Variants in LRRC37A2 observed in about 807,000 individuals in gnomAD.
The protein encoded by LRRC37A2 is leucine-rich repeat-containing protein 37A2.
Under a neutral mutation model 68.8 loss-of-function variants are expected in LRRC37A2, and 9 were observed. The observed-to-expected ratio is 0.13, with a 90% CI of 0.08 to 0.23. The LOEUF is 0.23. Among genes scored for constraint, LRRC37A2 ranks in the 10% least tolerant of loss-of-function variants. The probability of loss-of-function intolerance (pLI) is 1.00; values close to 1 mark genes in which losing one functional copy is unlikely to be tolerated. For synonymous variants in LRRC37A2, 63 were observed against 367.6 expected, an observed-to-expected ratio of 0.17 and a Z score of 9.48; for missense variants, 168 against 950.4, an observed-to-expected ratio of 0.18 and a Z score of 10.82.
chr17:46,865,787 AT>A, the LRRC37A2 span, among the ~76,000 whole-genome samples: 1 of 152,038 alleles, frequency 6.6e-6, no homozygotes, highest in East Asian at 1.9e-4. Flanking sequence ...TTAATTTTTA[AT>A]TTTGTAGAGA....
the LRRC37A2 span, among the ~76,000 whole-genome samples, chr17:46,845,398 G>A: frequency 1.3e-5 from 2 of 152,108 alleles, no homozygotes; most frequent in African/African-American, 2.4e-5. Flanking sequence ...TATTCACGGT[G>A]AGCCCAGTGC....
At chr17:46,790,643 G>T in the LRRC37A2 span, among the ~76,000 whole-genome samples, 1 of 152,094 alleles carries the variant, frequency 6.6e-6, no homozygotes, top group Non-Finnish European at 1.5e-5. Context: ...TCCAACCTCT[G>T]GTCTTGTCCA....
the LRRC37A2 span, among the ~76,000 whole-genome samples, chr17:46,900,162 C>CATATATATATATATATAT: frequency 3.0e-5 from 3 of 101,146 alleles, no homozygotes; most frequent in African/African-American, 1.5e-4. Flanking sequence ...TATATATATA[C>CATATATATATATATATAT]ATATACATAT....
At chr17:46,777,676 T>C in the LRRC37A2 span, among the ~76,000 whole-genome samples, 1 of 152,222 alleles carries the variant, frequency 6.6e-6, no homozygotes, top group African/African-American at 2.4e-5. Context: ...AAATACATAA[T>C]CTCACTGAAT....
the LRRC37A2 span, among the ~76,000 whole-genome samples, chr17:46,693,426 G>A: frequency 2.5e-3 from 382 of 152,086 alleles, 5 homozygotes; most frequent in African/African-American, 9.0e-3. Flanking sequence ...GTGAGGGCCA[G>A]GGAGTGCGTT....
the LRRC37A2 span, among the ~76,000 whole-genome samples, chr17:46,762,165 C>T: frequency 4.6e-5 from 7 of 152,354 alleles, no homozygotes; most frequent in East Asian, 3.9e-4. Flanking sequence ...GCCACCCCTG[C>T]GGTCTGCTGG....
At chr17:47,025,400 A>C in the LRRC37A2 span, among the ~76,000 whole-genome samples, 36 of 152,204 alleles carry the variant, frequency 2.4e-4, no homozygotes, top group African/African-American at 8.7e-4. Flanking sequence ...ATTAAAAATC[A>C]GCTGAATTAT....
chr17:46,915,004 T>C, the LRRC37A2 span, among the ~76,000 whole-genome samples: 45 of 152,336 alleles, frequency 3.0e-4, no homozygotes, highest in African/African-American at 1.1e-3. Flanking sequence ...CCCAACTACA[T>C]GAGAAACTCT....
chr17:46,978,939 G>T, the LRRC37A2 span: 4 of 1,455,790 alleles, frequency 2.7e-6, no homozygotes, highest in East Asian at 6.0e-5. Context: ...TTCCCAGGGC[G>T]GCCCCGGCGC....
chr17:46,715,596 A>G, the LRRC37A2 span, among the ~76,000 whole-genome samples: 14 of 152,180 alleles, frequency 9.2e-5, no homozygotes, highest in African/African-American at 3.4e-4. Flanking sequence ...ATGTGGGTGG[A>G]TGGTCCTAGT....
chr17:46,470,596 T>G, the LRRC37A2 span, among the ~76,000 whole-genome samples: 1 of 86,342 alleles, frequency 1.2e-5, no homozygotes, highest in African/African-American at 3.4e-5. Flanking sequence ...GGAGGATCAC[T>G]TAAGTCTAGG....
At chr17:46,764,956 C>T in the LRRC37A2 span, among the ~76,000 whole-genome samples, 3 of 152,222 alleles carry the variant, frequency 2.0e-5, no homozygotes, top group African/African-American at 7.2e-5. Context: ...AGGGCCCAGT[C>T]CCCAACTCCA....
At chr17:46,978,457 G>A in the LRRC37A2 span, 2 of 615,484 alleles carry the variant, frequency 3.2e-6, no homozygotes, top group Admixed American at 3.3e-5. Flanking sequence ...AGCGCACACA[G>A]GACAGAGCCG....
chr17:46,984,321 G>T, the LRRC37A2 span, among the ~76,000 whole-genome samples: 1 of 151,370 alleles, frequency 6.6e-6, no homozygotes, highest in South Asian at 2.1e-4. Flanking sequence ...TGTGTTGGGG[G>T]TGGGGTTGGG....
At chr17:46,848,699 G>A in the LRRC37A2 span, among the ~76,000 whole-genome samples, 695 of 152,350 alleles carry the variant, frequency 4.6e-3, 10 homozygotes, top group African/African-American at 0.016. Context: ...TGCCTGGGCA[G>A]TTCTGAGCCA....
chr17:46,699,528 T>C, the LRRC37A2 span, among the ~76,000 whole-genome samples: 1 of 148,450 alleles, frequency 6.7e-6, no homozygotes, highest in Non-Finnish European at 1.5e-5. Context: ...TTTTGATTGA[T>C]TAAGGTCATT....
chr17:46,883,126 C>T, the LRRC37A2 span, among the ~76,000 whole-genome samples: 1 of 151,830 alleles, frequency 6.6e-6, no homozygotes, highest in Non-Finnish European at 1.5e-5. Context: ...CTCCAGGTGC[C>T]CGCCACCACG....
downstream of LRRC37A2, chr17:46,560,570 T>TG (rs1491509722): frequency 5.0e-5 from 3 of 59,770 alleles, no homozygotes; most frequent in Non-Finnish European, 1.2e-4. Flanking sequence ...TTAAGGACAA[T>TG]TTTTTTTTTT....
At chr17:46,734,834 A>T in the LRRC37A2 span, among the ~76,000 whole-genome samples, 1 of 152,200 alleles carries the variant, frequency 6.6e-6, no homozygotes, top group Non-Finnish European at 1.5e-5. Flanking sequence ...AGGCAGGAAG[A>T]TTGCTTAAGG....
Sources: allele counts gnomAD v4.1 joint callset (sites outside exome capture counted in the v4.1 genomes callset), GRCh38; gene constraint gnomAD v4.1.1; transcripts MANE v1.5; gene names NCBI Gene and HGNC (gene_info 2026-07-23, HGNC 2026-07-21).